ENPEP: variants seen among roughly 807,000 people sequenced by gnomAD.
ENPEP encodes the protein glutamyl aminopeptidase.
In ENPEP, 103 loss-of-function variants were observed where a neutral mutation model predicts 114.5. The ratio of observed to expected loss-of-function variants is 0.90; its 90% CI spans 0.77 to 1.06. The LOEUF is 1.06. Among genes scored for constraint, ENPEP ranks in the 50% least tolerant of loss-of-function variants. The probability of loss-of-function intolerance (pLI) is 0.00; values close to 1 mark genes in which losing one functional copy is unlikely to be tolerated. For missense variants in ENPEP, 1,196 were observed against 1,161.3 expected (o/e 1.03, Z -0.43); for synonymous variants, 420 against 422.0 (o/e 1.00, Z 0.06).
In ENPEP at chr4:110,515,381, C is replaced by A. The variant is rs777069598; in HGVS notation, c.1448C>A (p.Ser483Tyr). ...VFDGISYSKGSSILRMLEDWI... is the reference protein window; with the variant it reads ...VFDGISYSKGYSILRMLEDWI... ...GTCTTTTTATCCCCATTGTAGGGATCTTCTATTTTGAGAATGCTTGAAGAC... is the reference window on the plus strand; with the variant it reads ...GTCTTTTTATCCCCATTGTAGGGATATTCTATTTTGAGAATGCTTGAAGAC... The change falls in exon 8 of 20, where the codon TCT (serine) becomes TAT (tyrosine). Residue 483 changes from serine (S) to tyrosine (Y), a missense_variant. Transcript: ENST00000265162. 151 of 1,603,760 alleles carry A rather than the reference C, an allele frequency of 9.4e-5. No homozygotes were observed. Among genetic ancestry groups the A allele is most frequent in the Non-Finnish European group, 1.2e-4 (145 of 1,177,044 alleles).
Position 110,476,365 on chromosome 4 carries a change from A to G in ENPEP, c.-50A>G. ...AAAAGGAAGTCTGCTGACGTTAGTT[A>G]GTTAAATTTAACATCTTTTTATGTG... On this transcript the variant is annotated 5_prime_UTR_variant, in exon 1 of 20. Coordinates refer to ENST00000265162, the MANE Select transcript of ENPEP (RefSeq NM_001977.4). The G allele has an allele frequency of 6.7e-7, 1 of 1,494,594 alleles. No homozygotes were observed. Among genetic ancestry groups the G allele is most frequent in the Non-Finnish European group, 8.9e-7 (1 of 1,119,644 alleles). The allele number at this position is 1,494,594 out of a possible 1,614,324, so 92.6% of individuals were successfully genotyped here. A position where few individuals can be genotyped will look rare whatever the true frequency, so the allele number is the denominator to read the frequency against.
rs188209483 is a variant in ENPEP at position 110,498,591 on chromosome 4, A to G, written c.918+7427A>G. Among the ~76,000 whole-genome samples the G allele has an allele frequency of 2.8e-3, 419 of 152,324 alleles. 2 individuals carry two copies. The highest frequency in any genetic ancestry group is 4.3e-3 in the Non-Finnish European group (295 of 68,022). On this transcript the variant is annotated intron_variant, in intron 3 of 19. Coordinates refer to ENST00000265162, the MANE Select transcript of ENPEP (RefSeq NM_001977.4). ...CCTGAATGTATGGTCACCTCTATCA[A>G]TAGAAAACACTCAATAGACAAGGAC...
chr4:110,527,050 G>C (rs1215363116), intron 10 of ENPEP, among the ~76,000 whole-genome samples: 6 of 152,078 alleles, frequency 3.9e-5, no homozygotes, highest in African/African-American at 1.4e-4. Flanking sequence ...ACTCTATAAG[G>C]GGGGTAACAG....
At chr4:110,560,025 T>C (rs1727627055) in intron 19 of ENPEP, among the ~76,000 whole-genome samples, 1 of 152,188 alleles carries the variant, frequency 6.6e-6, no homozygotes, top group South Asian at 2.1e-4. Context: ...CTCCCACTTA[T>C]GAGAGAGAAC....
intron 12 of ENPEP, 29 bp from the exon 13 acceptor site, chr4:110,542,986 T>A (rs1726909162): frequency 6.2e-7 from 1 of 1,612,256 alleles, no homozygotes; most frequent in African/African-American, 1.3e-5. Flanking sequence ...AAGAATTGTG[T>A]TTTTATCTCT....
At chr4:110,517,568 G>A (rs553788826) in intron 8 of ENPEP, among the ~76,000 whole-genome samples, 1 of 152,162 alleles carries the variant, frequency 6.6e-6, no homozygotes, top group African/African-American at 2.4e-5. Flanking sequence ...AAAATGAATA[G>A]CTATCCTAAT....
At position 110,559,743 on chromosome 4, in the gene ENPEP, T is replaced by G; in HGVS notation, c.2721+18T>G. 6.3e-7 allele frequency: 1 copy of G among 1,593,460 alleles called. No homozygotes were observed. The highest frequency in any genetic ancestry group is 1.1e-5 in the South Asian group (1 of 89,702). Reference sequence around the variant, plus strand: ...TGTGGCAGGTATGAAGATAAATTCCTCTGCATTTGTCCAAGAAGGAGCAGA... The same window carrying G: ...TGTGGCAGGTATGAAGATAAATTCCGCTGCATTTGTCCAAGAAGGAGCAGA... On this transcript the variant is annotated intron_variant, in intron 19 of 19. Coordinates refer to ENST00000265162, the MANE Select transcript of ENPEP (RefSeq NM_001977.4).
rs1484006152 is a variant in ENPEP, at chr4:110,513,557, A to G, written c.1443+8A>G. The G allele has an allele frequency of 1.2e-6, 2 of 1,610,540 alleles. No homozygotes were observed. Among genetic ancestry groups the G allele is most frequent in the Non-Finnish European group, 1.7e-6 (2 of 1,178,650 alleles). On this transcript the variant is annotated splice_region_variant and intron_variant, in intron 7 of 19. Transcript: ENST00000265162. Reference sequence around the variant, plus strand: ...GGAATATCCTATAGCAAGGTGGGAGAAATAGAACATTGTTTTGAACATCTT... The same window carrying G: ...GGAATATCCTATAGCAAGGTGGGAGGAATAGAACATTGTTTTGAACATCTT...
At chr4:110,490,121 T>C (rs1724650461) in intron 2 of ENPEP, among the ~76,000 whole-genome samples, 1 of 152,198 alleles carries the variant, frequency 6.6e-6, no homozygotes, top group South Asian at 2.1e-4. Flanking sequence ...ACTTCCCTTA[T>C]GGCCTTTTCA....
At chr4:110,489,496 G>T (rs139143614) in intron 2 of ENPEP, among the ~76,000 whole-genome samples, 4 of 151,902 alleles carry the variant, frequency 2.6e-5, no homozygotes, top group African/African-American at 9.7e-5. Flanking sequence ...ACAGTGGCAC[G>T]TGTATACCTA....
intron 10 of ENPEP, 151 bp downstream of exon 10, chr4:110,520,517 C>A: frequency 1.3e-6 from 1 of 793,860 alleles, no homozygotes; most frequent in Non-Finnish European, 2.0e-6. Context: ...TCAAAAATAG[C>A]CAAGTGATTT....
At chr4:110,509,914 A>G (rs763506594) in intron 5 of ENPEP, 107 bp downstream of exon 5, 14 of 1,373,640 alleles carry the variant, frequency 1.0e-5, no homozygotes, top group African/African-American at 1.5e-5. Flanking sequence ...GCCAACTCAG[A>G]AAAACTTGCA....
Position 110,561,437 on chromosome 4 carries a change from C to A in ENPEP, c.2753C>A (p.Ala918Asp). The change falls in exon 20 of 20, where the codon GCT (alanine) becomes GAT (aspartate). Residue 918 changes from alanine to aspartate, a missense_variant. Physicochemically the swap from Ala to Asp is moderately radical, Grantham distance 126 (BLOSUM62 -2). Transcript: ENST00000265162. ...AGCTTTTTTGCAAAATATCCACAAG[C>A]TGGAGCAGGAGAAAAACCTAGGGAA... ...MESFFAKYPQ[A>D]GAGEKPREQV... 2 of 1,613,958 alleles carry A rather than the reference C, an allele frequency of 1.2e-6. No homozygotes were observed. Among genetic ancestry groups the A allele is most frequent in the Middle Eastern group, 3.3e-4 (2 of 6,062 alleles).
intron 17 of ENPEP, among the ~76,000 whole-genome samples, chr4:110,552,932 G>A (rs372788774): frequency 6.6e-6 from 1 of 152,016 alleles, no homozygotes; most frequent in Non-Finnish European, 1.5e-5. Context: ...TAAAAATCCA[G>A]TGGGATAATG....
chr4:110,530,057 C>T (rs1415138077), intron 10 of ENPEP, among the ~76,000 whole-genome samples: 4 of 147,210 alleles, frequency 2.7e-5, no homozygotes, highest in Admixed American at 7.0e-5. Flanking sequence ...GCCTGGGCAA[C>T]AAGAATGAAA....
chr4:110,489,928 C>T (rs1724640823), intron 2 of ENPEP, among the ~76,000 whole-genome samples: 1 of 152,192 alleles, frequency 6.6e-6, no homozygotes, highest in African/African-American at 2.4e-5. Flanking sequence ...CAAATAAACA[C>T]TTAAGAGGAT....
At chr4:110,497,669 G>C (rs1724993876) in intron 3 of ENPEP, among the ~76,000 whole-genome samples, 1 of 152,132 alleles carries the variant, frequency 6.6e-6, no homozygotes, top group Non-Finnish European at 1.5e-5. Flanking sequence ...TTCCGACTCA[G>C]AGTCCGAACA....
Position 110,476,960 on chromosome 4 carries a change from A to T in ENPEP, c.546A>T (p.Gly182=), listed in dbSNP as rs751771425. The T allele has an allele frequency of 7.4e-6, 12 of 1,614,052 alleles. No homozygotes were observed. The African/African-American group carries it at 1.5e-4, about 20-fold the overall frequency. The change falls in exon 1 of 20, where the codon GGA becomes GGT. Residue 182 remains glycine, a synonymous_variant. Transcript: ENST00000265162. Reference sequence around the variant, plus strand: ...AGGAAGAGCTTACCCCCAGCAGTGGAGATGGCCTGTATCTCCTGACCATGG... The same window carrying T: ...AGGAAGAGCTTACCCCCAGCAGTGGTGATGGCCTGTATCTCCTGACCATGG... ...EAEEELTPSS[G]DGLYLLTMEF...
At position 110,528,808 on chromosome 4, in the gene ENPEP, G is replaced by T. The variant is rs149469899; in HGVS notation, c.1728-2390G>T. 2.1e-3 allele frequency among the ~76,000 whole-genome samples: 315 copies of T among 152,290 alleles called. 1 individual carries two copies. The highest frequency in any genetic ancestry group is 7.2e-3 in the African/African-American group (300 of 41,556). ...AATTAGAGTGGCCATATTTCATACT[G>T]CTAGAACCTCTTACATGGTTAGATA... On this transcript the variant is annotated intron_variant, in intron 10 of 19. Coordinates refer to ENST00000265162, the MANE Select transcript of ENPEP (RefSeq NM_001977.4).
Sources: allele counts gnomAD v4.1 joint callset (sites outside exome capture counted in the v4.1 genomes callset), GRCh38; gene constraint gnomAD v4.1.1; transcripts MANE v1.5; gene names NCBI Gene and HGNC (gene_info 2026-07-23, HGNC 2026-07-21).